The following FXYD5 variants were observed in gnomAD, a reference collection of about 807,000 sequenced individuals.
FXYD5 encodes the protein FXYD domain containing ion transport regulator 5.
A neutral mutation model predicts 25.7 loss-of-function variants in FXYD5; 21 were observed. That is an observed-to-expected ratio of 0.82 (90% CI 0.58 to 1.18). The LOEUF is 1.18. FXYD5 is among the 50% of genes most tolerant of loss of function. FXYD5 has a pLI of 0.00. For missense variants in FXYD5, 229 were observed against 227.7 expected (o/e 1.01, Z -0.04); for synonymous variants, 101 against 90.7 (o/e 1.11, Z -0.64).
chr19:35,155,176 T>G, intron 1 of FXYD5: 1 of 242,148 alleles, frequency 4.1e-6, no homozygotes, highest in Admixed American at 5.3e-5. Flanking sequence ...GGAAGAGGCC[T>G]CCTATCTACT....
intron 8 of FXYD5, among the ~76,000 whole-genome samples, chr19:35,168,137 G>A (rs1026705206): frequency 6.6e-6 from 1 of 151,818 alleles, no homozygotes; most frequent in Non-Finnish European, 1.5e-5. Flanking sequence ...GAGCCTGAAC[G>A]TTAGCTCTGG....
chr19:35,155,956 G>C (rs533084832), intron 2 of FXYD5, among the ~76,000 whole-genome samples: 1 of 152,214 alleles, frequency 6.6e-6, no homozygotes, highest in South Asian at 2.1e-4. Flanking sequence ...AGAGTCCCCA[G>C]GCATTACACA....
chr19:35,157,298 G>C, intron 2 of FXYD5, 123 bp from the exon 3 acceptor site: 7 of 613,224 alleles, frequency 1.1e-5, no homozygotes, highest in Non-Finnish European at 2.1e-5. Context: ...GATTGATGCA[G>C]CCAAAGCTGA....
intron 8 of FXYD5, 187 bp downstream of exon 8, chr19:35,166,512 A>G (rs887141592): frequency 3.6e-5 from 18 of 503,098 alleles, no homozygotes; most frequent in Non-Finnish European, 5.6e-5. Context: ...TCTCAATACC[A>G]CAGTTTGGAA....
chr19:35,165,672 T>A (rs977447689), intron 6 of FXYD5, among the ~76,000 whole-genome samples: 1 of 152,130 alleles, frequency 6.6e-6, no homozygotes, highest in Admixed American at 6.6e-5. Context: ...TATTTTACCC[T>A]ATTCGAGATG....
intron 4 of FXYD5, 30 bp from the exon 5 acceptor site, chr19:35,160,679 C>G (rs1038450196): frequency 2.7e-6 from 4 of 1,465,746 alleles, no homozygotes; most frequent in Non-Finnish European, 3.8e-6. Context: ...CTTTCTTATC[C>G]TTCCCTCCTT....
intron 4 of FXYD5, among the ~76,000 whole-genome samples, 165 bp from the exon 5 acceptor site, chr19:35,160,544 C>T (rs1216253520): frequency 6.6e-6 from 1 of 152,150 alleles, no homozygotes; most frequent in Non-Finnish European, 1.5e-5. Context: ...CAGGGTTTCT[C>T]CATGTTGGTC....
At chr19:35,158,035 G>A (rs144165040) in intron 3 of FXYD5, among the ~76,000 whole-genome samples, 3 of 152,302 alleles carry the variant, frequency 2.0e-5, no homozygotes, top group African/African-American at 7.2e-5. Flanking sequence ...ATCAGAGCAG[G>A]TGCATTTGGG....
chr19:35,157,467 T>C lies in FXYD5; in HGVS notation c.108T>C (p.Thr36=). The change falls in exon 3 of 9, where the codon ACT becomes ACC. Residue 36 remains threonine (T), a synonymous_variant. Transcript: ENST00000392219. ...DTTSSSSADS[T]IMDIQVPTRA... The stretch of plus-strand genomic sequence containing the variant: ...CGTCCAGTTCTTCAGCAGACTCAAC[T>C]ATCATGGACATTCAGGTCCCGACAC... 2 of 1,590,082 alleles carry C rather than the reference T, an allele frequency of 1.3e-6. No individual in the cohort carries two copies. The highest frequency in any genetic ancestry group is 1.7e-6 in the Non-Finnish European group (2 of 1,158,422).
rs955891262 is a variant in FXYD5 at position 35,169,654 on chromosome 19, C to G, written c.*39C>G. ...AGGAGCTGACAACCTGCTGGGCACC[C>G]GAAGACCAAGCCCCCTGCCAGCTCA... On this transcript the variant is annotated 3_prime_UTR_variant, in exon 9 of 9. Coordinates refer to ENST00000392219, the MANE Select transcript of FXYD5 (RefSeq NM_014164.6). 7.2e-7 allele frequency: 1 copy of G among 1,394,298 alleles called. No homozygotes were observed. 86.4% of individuals were successfully genotyped at this position (1,394,298 alleles called of 1,614,324 possible).
intron 4 of FXYD5, among the ~76,000 whole-genome samples, chr19:35,160,220 A>C (rs774052687): frequency 2.0e-5 from 3 of 152,172 alleles, no homozygotes. Context: ...AAAATAAATA[A>C]AAGTAAAAAT....
In FXYD5 at chr19:35,158,376, C is replaced by T. The variant is rs1277377614; in HGVS notation, c.175C>T (p.Pro59Ser). The change falls in exon 4 of 9, where the codon CCA becomes TCA. Residue 59 changes from proline to serine, a missense_variant. Physicochemically the swap from Pro to Ser is moderately conservative, Grantham distance 74 (BLOSUM62 -1). Transcript: ENST00000392219. The part of the protein sequence containing the change: ...AVYTELQPTS[P>S]TPTWPADETP... ...CTACACAGAACTCCAGCCCACCTCT[C>T]CAACCCCAACCTGGCCTGCTGATGG... 1.2e-6 allele frequency: 2 copies of T among 1,606,890 alleles called. No individual in the cohort carries two copies. Among genetic ancestry groups the T allele is most frequent in the Middle Eastern group, 1.7e-4 (1 of 6,048 alleles).
At chr19:35,158,291 A>G in intron 3 of FXYD5, 53 bp from the exon 4 acceptor site, 2 of 1,183,230 alleles carry the variant, frequency 1.7e-6, no homozygotes, top group Non-Finnish European at 2.5e-6. Flanking sequence ...GACCTTGCCC[A>G]CTTCTTTTTC....
chr19:35,158,828 A>T (rs2065380395), intron 4 of FXYD5, among the ~76,000 whole-genome samples: 1 of 151,980 alleles, frequency 6.6e-6, no homozygotes, highest in African/African-American at 2.4e-5. Flanking sequence ...TTGAAGTATA[A>T]TTCAAAAAGT....
chr19:35,163,105 G>T (rs1281919127), intron 5 of FXYD5, among the ~76,000 whole-genome samples: 2 of 152,238 alleles, frequency 1.3e-5, no homozygotes, highest in East Asian at 3.8e-4. Flanking sequence ...ACCGGAATTT[G>T]AGTCCAGACT....
rs1688005 is a variant in FXYD5, at chr19:35,157,462, T to A, written c.103T>A (p.Ser35Thr). 1.1e-5 allele frequency: 18 copies of A among 1,593,240 alleles called. No homozygotes were observed. The highest frequency in any genetic ancestry group is 1.7e-4 in the Middle Eastern group (1 of 6,036). The change falls in exon 3 of 9, where the codon TCA (serine) becomes ACA (threonine). Residue 35 changes from serine (S) to threonine (T), a missense_variant. Physicochemically the swap from Ser to Thr is moderately conservative, Grantham distance 58. Coordinates refer to ENST00000392219, the MANE Select transcript of FXYD5 (RefSeq NM_014164.6). ...TACCACGTCCAGTTCTTCAGCAGACTCAACTATCATGGACATTCAGGTCCC... is the reference window on the plus strand; with the variant it reads ...TACCACGTCCAGTTCTTCAGCAGACACAACTATCATGGACATTCAGGTCCC... ...KDTTSSSSADSTIMDIQVPTR... is the reference protein window; with the variant it reads ...KDTTSSSSADTTIMDIQVPTR...
chr19:35,155,454 T>C, intron 1 of FXYD5, 97 bp from the exon 2 acceptor site: 1 of 999,206 alleles, frequency 1.0e-6, no homozygotes, highest in East Asian at 2.4e-5. Flanking sequence ...CAGAGGTTTT[T>C]GCTCAGGGCA....
chr19:35,157,245 G>C (rs189366311), intron 2 of FXYD5, among the ~76,000 whole-genome samples, 176 bp from the exon 3 acceptor site: 2 of 152,270 alleles, frequency 1.3e-5, no homozygotes, highest in Admixed American at 1.3e-4. Flanking sequence ...TAGAAGAAGG[G>C]TTCCCAGGCA....
intron 8 of FXYD5, 87 bp downstream of exon 8, chr19:35,166,412 AT>A: frequency 1.2e-6 from 1 of 837,254 alleles, no homozygotes; most frequent in South Asian, 1.6e-5. Flanking sequence ...TCCCTGGGCA[AT>A]TTTGTTTTAA....
Sources: allele counts gnomAD v4.1 joint callset (sites outside exome capture counted in the v4.1 genomes callset), GRCh38; gene constraint gnomAD v4.1.1; transcripts MANE v1.5; gene names NCBI Gene and HGNC (gene_info 2026-07-23, HGNC 2026-07-21).